FASTKD2: variants seen among roughly 807,000 people sequenced by gnomAD.
FASTKD2 encodes FAST kinase domain-containing protein 2, mitochondrial.
Under a neutral mutation model 63.6 loss-of-function variants are expected in FASTKD2, and 51 were observed. The observed-to-expected ratio is 0.80, with a 90% CI of 0.64 to 1.01. FASTKD2 has a LOEUF of 1.01. Ranked by LOEUF, FASTKD2 falls within the 50% of genes least tolerant of loss-of-function variation. The pLI, the probability that FASTKD2 is intolerant of heterozygous loss-of-function variation, is 0.00. For missense variants in FASTKD2, 786 were observed against 831.1 expected (o/e 0.95, Z 0.67); for synonymous variants, 284 against 293.4 (o/e 0.97, Z 0.33).
Position 206,791,792 on chromosome 2 carries a change from G to GCA in FASTKD2, c.2128_2129dup (p.Gln710HisfsTer17), listed in dbSNP as rs863223963. ...CCTGTTGCTGCTGTAAATGTGCAAA[G>GCA]CACACAATAAAGTGAAAATCAACCT... On this transcript the variant is annotated frameshift_variant, in exon 12 of 12. Transcript: ENST00000402774. LOFTEE classifies it high-confidence loss of function. The GCA allele has an allele frequency of 6.2e-6, 10 of 1,612,626 alleles. No individual in the cohort carries two copies. The highest frequency in any genetic ancestry group is 8.5e-6 in the Non-Finnish European group (10 of 1,179,548).
Position 206,794,426 on chromosome 2 carries a change from A to AGAT in FASTKD2, c.*2626_*2628dup, listed in dbSNP as rs770162035. Among the ~76,000 whole-genome samples the AGAT allele has an allele frequency of 3.3e-5, 5 of 152,184 alleles. No homozygotes were observed. The highest frequency in any genetic ancestry group is 7.4e-5 in the Non-Finnish European group (5 of 68,014). On this transcript the variant is annotated 3_prime_UTR_variant, in exon 12 of 12. Transcript: ENST00000402774. Reference sequence around the variant, plus strand: ...TTAATTTTAATTTTTAGATTTTTAAAGATGGGGCCCTGCTATGTTACCCAG... The same window carrying AGAT: ...TTAATTTTAATTTTTAGATTTTTAAAGATGATGGGGCCCTGCTATGTTACCCAG...
At chr2:206,791,042 T>G (rs1277891028) in intron 11 of FASTKD2, 1 of 295,286 alleles carries the variant, frequency 3.4e-6, no homozygotes, top group South Asian at 3.4e-5. Flanking sequence ...TAAAGCTTTG[T>G]TTTCATGGCC....
chr2:206,786,531 A>G, intron 7 of FASTKD2: 1 of 568,740 alleles, frequency 1.8e-6, no homozygotes, highest in Non-Finnish European at 3.2e-6. Context: ...GTTAAAGTCT[A>G]TAAAATGTTT....
intron 7 of FASTKD2, among the ~76,000 whole-genome samples, chr2:206,774,639 G>A (rs772978013): frequency 2.0e-4 from 30 of 152,038 alleles, no homozygotes; most frequent in African/African-American, 7.2e-4. Context: ...CATTATAGGA[G>A]TTTGATTTCA....
rs1337227154 is a variant in FASTKD2, at chr2:206,795,284, A to G, written c.*3482A>G. 6.6e-6 allele frequency among the ~76,000 whole-genome samples: 1 copy of G among 152,012 alleles called. No homozygotes were observed. The highest frequency in any genetic ancestry group is 1.9e-4 in the East Asian group (1 of 5,180). On this transcript the variant is annotated 3_prime_UTR_variant, in exon 12 of 12. Transcript: ENST00000402774. ...AGTCGTGGTCTGTCGCCCAGGCTGGAGTGCTGTGGCGTGATCTCAGCTCAC... is the reference window on the plus strand; with the variant it reads ...AGTCGTGGTCTGTCGCCCAGGCTGGGGTGCTGTGGCGTGATCTCAGCTCAC...
Position 206,767,329 on chromosome 2 carries a change from A to C in FASTKD2, c.636A>C (p.Ala212=), listed in dbSNP as rs565809308. ...FEKRLMFSHP[A]FNQLCEHMMR... is the part of the protein sequence containing the mutation. ...AACGACTGATGTTTAGCCACCCTGC[A>C]TTTAATCAGCTCTGTGAACATATGA... The change falls in exon 2 of 12, where the codon GCA becomes GCC. Residue 212 remains alanine, a synonymous_variant. Coordinates refer to ENST00000402774, the MANE Select transcript of FASTKD2 (RefSeq NM_001136193.2). 1 of 1,614,202 alleles carries C rather than the reference A, an allele frequency of 6.2e-7. No individual in the cohort carries two copies. The highest frequency in any genetic ancestry group is 1.7e-5 in the Admixed American group (1 of 60,032).
intron 3 of FASTKD2, among the ~76,000 whole-genome samples, chr2:206,770,620 C>T (rs1689648297): frequency 6.6e-6 from 1 of 150,894 alleles, no homozygotes; most frequent in Non-Finnish European, 1.5e-5. Context: ...GTCCCAGCTG[C>T]TTGGGAGGCT....
chr2:206,771,752 G>T, intron 4 of FASTKD2, 142 bp from the exon 5 acceptor site: 1 of 665,140 alleles, frequency 1.5e-6, no homozygotes, highest in Admixed American at 2.3e-5. Flanking sequence ...TACATGGGCG[G>T]CTGAGGCAGG....
rs967373109 is a variant in FASTKD2 at position 206,793,048 on chromosome 2, C to A, written c.*1246C>A. ...ACAATCCTGGCCAACACGGTGAAAC[C>A]CCATCTCTACTAAAATACAAAAAAT... On this transcript the variant is annotated 3_prime_UTR_variant, in exon 12 of 12. Transcript: ENST00000402774. Among the ~76,000 whole-genome samples, 1 of 151,602 alleles carries A rather than the reference C, an allele frequency of 6.6e-6. No individual in the cohort carries two copies. The highest frequency in any genetic ancestry group is 1.5e-5 in the Non-Finnish European group (1 of 67,926).
At chr2:206,780,083 A>G in intron 7 of FASTKD2, among the ~76,000 whole-genome samples, 1 of 152,162 alleles carries the variant, frequency 6.6e-6, no homozygotes, top group Non-Finnish European at 1.5e-5. Context: ...TATATCCATT[A>G]GCAAATTTTT....
At chr2:206,775,578 TTG>T (rs149910094) in intron 7 of FASTKD2, among the ~76,000 whole-genome samples, 17,579 of 151,746 alleles carry the variant, frequency 0.12, 1,408 homozygotes, top group African/African-American at 0.24. Flanking sequence ...TGTTTGTTTT[TTG>T]TTTTTTTTGA....
chr2:206,782,278 T>G (rs577227383), intron 7 of FASTKD2, among the ~76,000 whole-genome samples: 1 of 152,324 alleles, frequency 6.6e-6, no homozygotes, highest in African/African-American at 2.4e-5. Flanking sequence ...TAAAATGTTC[T>G]TCTTGCCTGT....
At chr2:206,789,366 C>T (rs559631131) in intron 10 of FASTKD2, 2 of 160,354 alleles carry the variant, frequency 1.2e-5, no homozygotes, top group East Asian at 1.8e-4. Flanking sequence ...GGTTAGAGCA[C>T]ATTGAAGCTA....
chr2:206,778,884 C>T lies in FASTKD2; in HGVS notation c.1427+4487C>T, dbSNP rs1036731087. Among the ~76,000 whole-genome samples the T allele has an allele frequency of 2.6e-5, 4 of 152,058 alleles. No homozygotes were observed. In the East Asian group the frequency reaches 5.8e-4, roughly 22 times the overall value. On this transcript the variant is annotated intron_variant, in intron 7 of 11. Transcript: ENST00000402774. ...CGTGCTCCTTATGAGAATCTAATGC[C>T]TTATGAAACACCCCCCTATGCCCAG... is the stretch of plus-strand genomic sequence containing the variant.
intron 2 of FASTKD2, among the ~76,000 whole-genome samples, chr2:206,768,701 AAAT>A (rs1038478952): frequency 4.6e-5 from 7 of 152,280 alleles, no homozygotes; most frequent in South Asian, 4.1e-4. Flanking sequence ...CCCTGTCTGA[AAAT>A]AATAATAATA....
intron 2 of FASTKD2, 113 bp downstream of exon 2, chr2:206,767,583 G>GT: frequency 2.4e-6 from 2 of 828,668 alleles, no homozygotes; most frequent in Non-Finnish European, 3.9e-6. Flanking sequence ...TGGAATGGTA[G>GT]TTTCCTTTAT....
At position 206,791,669 on chromosome 2, in the gene FASTKD2, C is replaced by G; in HGVS notation, c.2014-14C>G. 2 of 1,611,738 alleles carry G rather than the reference C, an allele frequency of 1.2e-6. No individual in the cohort carries two copies. The highest frequency in any genetic ancestry group is 1.3e-5 in the African/African-American group (1 of 74,978). ...CGTCTCACAAACTGATTATTTTCCT[C>G]TTTCTTTGGTAAGGTCAATAACTGG... is the stretch of plus-strand genomic sequence containing the variant. On this transcript the variant is annotated splice_polypyrimidine_tract_variant and intron_variant, in intron 11 of 11. Coordinates refer to ENST00000402774, the MANE Select transcript of FASTKD2 (RefSeq NM_001136193.2).
At position 206,767,335 on chromosome 2, in the gene FASTKD2, T is replaced by C; in HGVS notation, c.642T>C (p.Asn214=). ...TGATGTTTAGCCACCCTGCATTTAA[T>C]CAGCTCTGTGAACATATGATGAGAG... is the stretch of plus-strand genomic sequence containing the variant. ...KRLMFSHPAF[N]QLCEHMMREA... Residue 214 remains asparagine (N), a synonymous_variant, in exon 2 of 12, where the codon AAT becomes AAC. Coordinates refer to ENST00000402774, the MANE Select transcript of FASTKD2 (RefSeq NM_001136193.2). 6.2e-7 allele frequency: 1 copy of C among 1,614,176 alleles called. No individual in the cohort carries two copies. Among genetic ancestry groups the C allele is most frequent in the Non-Finnish European group, 8.5e-7 (1 of 1,180,026 alleles).
rs1197708907 is a variant in FASTKD2 at position 206,774,302 on chromosome 2, A to G, written c.1332A>G (p.Ile444Met). 1 of 1,606,544 alleles carries G rather than the reference A, an allele frequency of 6.2e-7. No individual in the cohort carries two copies. Among genetic ancestry groups the G allele is most frequent in the Non-Finnish European group, 8.5e-7 (1 of 1,173,542 alleles). ...TAATGGACCTGTTTATGAAGAGAAT[A>G]GTAGAGGATCCTGAATCCCTAAACA... ...VGLMDLFMKR[I>M]VEDPESLNMK... The change falls in exon 7 of 12, where the codon ATA (isoleucine) becomes ATG (methionine). Residue 444 changes from isoleucine to methionine, a missense_variant. Physicochemically the swap from Ile to Met is conservative, Grantham distance 10. Coordinates refer to ENST00000402774, the MANE Select transcript of FASTKD2 (RefSeq NM_001136193.2).
Sources: allele counts gnomAD v4.1 joint callset (sites outside exome capture counted in the v4.1 genomes callset), GRCh38; gene constraint gnomAD v4.1.1; transcripts MANE v1.5; gene names NCBI Gene and HGNC (gene_info 2026-07-23, HGNC 2026-07-21).